The following SEL1L2 variants were observed in gnomAD, a reference collection of about 807,000 sequenced individuals.
The protein encoded by SEL1L2 is SEL1L2 adaptor subunit of SYVN1 ubiquitin ligase.
SEL1L2 carries 89 observed loss-of-function variants against 98.8 expected under a neutral mutation model. The ratio of observed to expected loss-of-function variants is 0.90; its 90% CI spans 0.76 to 1.07. The LOEUF is 1.07. SEL1L2 is among the 50% of genes least tolerant of loss of function. The pLI is 0.00. For synonymous variants in SEL1L2, 262 were observed against 278.5 expected, an observed-to-expected ratio of 0.94 and a Z score of 0.59; for missense variants, 788 against 812.0, an observed-to-expected ratio of 0.97 and a Z score of 0.36.
At chr20:13,911,878 C>T (rs548764250) in intron 5 of SEL1L2, among the ~76,000 whole-genome samples, 1 of 152,016 alleles carries the variant, frequency 6.6e-6, no homozygotes, top group Non-Finnish European at 1.5e-5. Flanking sequence ...TATCCTTTGA[C>T]CAATATCTCC....
Position 13,865,527 on chromosome 20 carries a change from G to A in SEL1L2, c.1405-13C>T, listed in dbSNP as rs1990859615. 2 of 1,606,012 alleles carry A rather than the reference G, an allele frequency of 1.2e-6. No individual in the cohort carries two copies. Among genetic ancestry groups the A allele is most frequent in the Middle Eastern group, 1.7e-4 (1 of 6,004 alleles). ...CACCTTTATAAAGCTGTACATGAGA[G>A]GAGAAATCAAGGAGACTAGTTAGCC... On this transcript the variant is annotated splice_polypyrimidine_tract_variant and intron_variant, in intron 15 of 19. Transcript: ENST00000284951.
chr20:13,871,698 G>C (rs1228619619), intron 12 of SEL1L2, among the ~76,000 whole-genome samples: 1 of 151,942 alleles, frequency 6.6e-6, no homozygotes, highest in Non-Finnish European at 1.5e-5. Context: ...TTTTAATAGA[G>C]ATGGGGTTTC....
At chr20:13,919,635 T>A (rs2048564108) in intron 3 of SEL1L2, among the ~76,000 whole-genome samples, 1 of 152,168 alleles carries the variant, frequency 6.6e-6, no homozygotes, top group Admixed American at 6.5e-5. Flanking sequence ...ATAAATTTCC[T>A]TGGCTGGGCG....
intron 17 of SEL1L2, among the ~76,000 whole-genome samples, chr20:13,860,130 C>T (rs185575232): frequency 2.0e-5 from 3 of 152,326 alleles, no homozygotes; most frequent in African/African-American, 2.4e-5. Context: ...TGCTCTCCTG[C>T]GTCAACAGTG....
At chr20:13,897,965 A>C (rs1266278478) in intron 5 of SEL1L2, among the ~76,000 whole-genome samples, 2 of 151,942 alleles carry the variant, frequency 1.3e-5, no homozygotes, top group East Asian at 1.9e-4. Flanking sequence ...CACACACCCC[A>C]AAAAAACCCA....
chr20:13,921,372 A>G (rs1404901855), intron 3 of SEL1L2, among the ~76,000 whole-genome samples: 1 of 152,142 alleles, frequency 6.6e-6, no homozygotes, highest in Non-Finnish European at 1.5e-5. Context: ...TGGTTTCACC[A>G]TGCTGGCCTG....
intron 2 of SEL1L2, among the ~76,000 whole-genome samples, chr20:13,935,327 A>C (rs1283750912): frequency 1.3e-5 from 2 of 152,206 alleles, no homozygotes; most frequent in Non-Finnish European, 2.9e-5. Context: ...CCAACCAAAC[A>C]AACAAAGTCT....
At chr20:13,969,624 G>T (rs6079240) in intron 1 of SEL1L2, among the ~76,000 whole-genome samples, 17,349 of 152,032 alleles carry the variant, frequency 0.11, 1,173 homozygotes, top group Admixed American at 0.18. Context: ...TATTGAAGTG[G>T]TAGTATCCTC....
rs565976824 is a variant in SEL1L2 at position 13,880,386 on chromosome 20, ACT to A, written c.958-2800_958-2799del. On this transcript the variant is annotated intron_variant, in intron 10 of 19. Transcript: ENST00000284951. Reference sequence around the variant, plus strand: ...TTGATAAAGACCTAAAGGAATTGAGACTCTGTCTCATACACTGCTCCACTGTC... The same window carrying A: ...TTGATAAAGACCTAAAGGAATTGAGACTGTCTCATACACTGCTCCACTGTC... 9.1e-3 allele frequency among the ~76,000 whole-genome samples: 1,382 copies of A among 152,010 alleles called. 17 individuals carry two copies. The highest frequency in any genetic ancestry group is 0.03 in the African/African-American group (1,241 of 41,478).
intron 5 of SEL1L2, among the ~76,000 whole-genome samples, chr20:13,889,446 G>A (rs2069842616): frequency 6.6e-6 from 1 of 152,026 alleles, no homozygotes; most frequent in Non-Finnish European, 1.5e-5. Flanking sequence ...ATAAAACCAA[G>A]GGCCCTTATA....
intron 10 of SEL1L2, among the ~76,000 whole-genome samples, chr20:13,884,634 A>G (rs2046867334): frequency 6.6e-6 from 1 of 151,974 alleles, no homozygotes; most frequent in Non-Finnish European, 1.5e-5. Flanking sequence ...CAGCTTCCCG[A>G]GTAGCTGAGA....
chr20:13,857,754 A>G (rs1989393182), intron 18 of SEL1L2, among the ~76,000 whole-genome samples: 1 of 152,200 alleles, frequency 6.6e-6, no homozygotes. Flanking sequence ...GAAAGGCTTT[A>G]ATCTTATTGA....
At chr20:13,985,815 C>T (rs564906714) in intron 1 of SEL1L2, among the ~76,000 whole-genome samples, 10 of 152,292 alleles carry the variant, frequency 6.6e-5, no homozygotes, top group African/African-American at 1.9e-4. Flanking sequence ...CCCAATTGCC[C>T]CATACCTCCC....
chr20:13,946,449 T>C, intron 2 of SEL1L2, among the ~76,000 whole-genome samples: 1 of 152,306 alleles, frequency 6.6e-6, no homozygotes, highest in Non-Finnish European at 1.5e-5. Context: ...AAAAGACTTG[T>C]ATTAAAAAAA....
intron 1 of SEL1L2, among the ~76,000 whole-genome samples, chr20:13,988,492 T>C (rs1478471623): frequency 6.6e-6 from 1 of 152,232 alleles, no homozygotes; most frequent in Admixed American, 6.5e-5. Context: ...ATGATAAGTG[T>C]GATAGTTTAC....
At chr20:13,863,857 C>T (rs2147800537) in intron 17 of SEL1L2, among the ~76,000 whole-genome samples, 1 of 151,876 alleles carries the variant, frequency 6.6e-6, no homozygotes, top group African/African-American at 2.4e-5. Flanking sequence ...GTAGTCCCAG[C>T]TACTTGGTAG....
chr20:13,937,005 A>G (rs1403268541), intron 2 of SEL1L2, among the ~76,000 whole-genome samples: 1 of 152,228 alleles, frequency 6.6e-6, no homozygotes, highest in Non-Finnish European at 1.5e-5. Context: ...TACCACACCT[A>G]CACAAACGCT....
At chr20:13,986,556 T>G (rs1325888680) in intron 1 of SEL1L2, among the ~76,000 whole-genome samples, 1 of 152,238 alleles carries the variant, frequency 6.6e-6, no homozygotes, top group African/African-American at 2.4e-5. Context: ...TTATCCAAGT[T>G]GTAACACCTA....
chr20:13,978,219 T>G (rs549526103), intron 1 of SEL1L2, among the ~76,000 whole-genome samples: 2 of 152,272 alleles, frequency 1.3e-5, no homozygotes, highest in African/African-American at 4.8e-5. Context: ...AGTCAATTGA[T>G]TTTCAACAAA....
Sources: allele counts gnomAD v4.1 joint callset (sites outside exome capture counted in the v4.1 genomes callset), GRCh38; gene constraint gnomAD v4.1.1; transcripts MANE v1.5; gene names NCBI Gene and HGNC (gene_info 2026-07-23, HGNC 2026-07-21).